DDX59: variants seen among roughly 807,000 people sequenced by gnomAD.
The protein encoded by DDX59 is probable ATP-dependent RNA helicase DDX59.
A neutral mutation model predicts 51.9 loss-of-function variants in DDX59; 30 were observed. That is an observed-to-expected ratio of 0.58 (90% CI 0.43 to 0.78). The LOEUF is 0.78. Among genes scored for constraint, DDX59 ranks in the 30% least tolerant of loss-of-function variants. The pLI, the probability that DDX59 is intolerant of heterozygous loss-of-function variation, is 0.00. For synonymous variants in DDX59, 255 were observed against 253.3 expected, an observed-to-expected ratio of 1.01 and a Z score of -0.06; for missense variants, 672 against 730.8, an observed-to-expected ratio of 0.92 and a Z score of 0.93.
chr1:200,664,607 T>C (rs935599294), intron 2 of DDX59, among the ~76,000 whole-genome samples: 1 of 152,196 alleles, frequency 6.6e-6, no homozygotes, highest in Non-Finnish European at 1.5e-5. Context: ...AGCACTTTTT[T>C]TTTCTCACAC....
At chr1:200,668,625 C>G (rs538745128) in intron 1 of DDX59, among the ~76,000 whole-genome samples, 3 of 152,264 alleles carry the variant, frequency 2.0e-5, no homozygotes, top group African/African-American at 7.2e-5. Context: ...TTAAAACTCC[C>G]CTGCAAAGTC....
At chr1:200,655,852 C>T (rs144500860) in intron 4 of DDX59, among the ~76,000 whole-genome samples, 8 of 149,464 alleles carry the variant, frequency 5.4e-5, no homozygotes, top group East Asian at 3.9e-4. Flanking sequence ...TTTTTTGAGA[C>T]GGAGTTTCAC....
downstream of DDX59, among the ~76,000 whole-genome samples, chr1:200,642,346 G>C (rs1661073919): frequency 6.6e-6 from 1 of 152,058 alleles, no homozygotes; most frequent in Non-Finnish European, 1.5e-5. Context: ...GGGGAAGGAT[G>C]GTCTCTTATT....
At chr1:200,648,671 T>C in intron 6 of DDX59, 104 bp from the exon 7 acceptor site, 1 of 1,347,258 alleles carries the variant, frequency 7.4e-7, no homozygotes, top group Non-Finnish European at 1.0e-6. Flanking sequence ...AATATTTTTA[T>C]TGCAATATTT....
rs150862547 is a variant in DDX59, at chr1:200,666,238, T to C, written c.503A>G (p.Tyr168Cys). ...GTTCAAAATAAAGGGGTGCTCTTTGTAGACATAGGAAGCATTCAGTGGAGA... is the reference window on the plus strand; with the variant it reads ...GTTCAAAATAAAGGGGTGCTCTTTGCAGACATAGGAAGCATTCAGTGGAGA... ...PESPLNASYV[Y>C]KEHPFILNLQ... Residue 168 changes from tyrosine to cysteine, a missense_variant, in exon 2 of 8, where the codon TAC (tyrosine) becomes TGC (cysteine). Transcript: ENST00000331314. The C allele has an allele frequency of 1.2e-6, 2 of 1,614,124 alleles. No homozygotes were observed. Among genetic ancestry groups the C allele is most frequent in the East Asian group, 2.2e-5 (1 of 44,906 alleles).
chr1:200,657,771 G>C (rs907879730), intron 4 of DDX59, among the ~76,000 whole-genome samples: 2 of 149,568 alleles, frequency 1.3e-5, no homozygotes, highest in African/African-American at 2.5e-5. Flanking sequence ...AAAAAAATTA[G>C]CTGGGCATGG....
At chr1:200,653,678 CCAAG>C (rs1558120821) in intron 4 of DDX59, among the ~76,000 whole-genome samples, 2 of 152,190 alleles carry the variant, frequency 1.3e-5, no homozygotes, top group Non-Finnish European at 2.9e-5. Flanking sequence ...GACTTCATCT[CCAAG>C]CACTCTCCCC....
intron 4 of DDX59, among the ~76,000 whole-genome samples, chr1:200,651,503 C>T (rs930826849): frequency 1.3e-5 from 2 of 152,136 alleles, no homozygotes; most frequent in Non-Finnish European, 2.9e-5. Flanking sequence ...AGGCCCTCAC[C>T]AGACACTGAA....
intron 3 of DDX59, among the ~76,000 whole-genome samples, chr1:200,661,513 T>G (rs957793919): frequency 6.6e-6 from 1 of 152,246 alleles, no homozygotes; most frequent in African/African-American, 2.4e-5. Context: ...TTCTGTGATA[T>G]TCCTGTCAAA....
At chr1:200,664,417 T>C (rs1571650992) in intron 2 of DDX59, among the ~76,000 whole-genome samples, 1 of 152,166 alleles carries the variant, frequency 6.6e-6, no homozygotes, top group African/African-American at 2.4e-5. Context: ...GAGAACCCAA[T>C]AGTCACCATG....
chr1:200,666,641 A>T lies in DDX59; in HGVS notation c.100T>A (p.Leu34Met). ...ACGGGAACATCTCTGCTTTTGTCCA[A>T]CTGAAGGTCTTCTGGGTCTGGTTTA... is the stretch of plus-strand genomic sequence containing the variant. ...IIKPDPEDLQ[L>M]DKSRDVPVDA... Residue 34 changes from leucine to methionine, a missense_variant, in exon 2 of 8, where the codon TTG becomes ATG. By Grantham distance (15) the Leu-to-Met change is conservative. Transcript: ENST00000331314. 6.2e-7 allele frequency: 1 copy of T among 1,614,200 alleles called. No individual in the cohort carries two copies. The highest frequency in any genetic ancestry group is 8.5e-7 in the Non-Finnish European group (1 of 1,180,036).
At chr1:200,646,643 G>A (rs1661311484) in intron 7 of DDX59, among the ~76,000 whole-genome samples, 1 of 152,186 alleles carries the variant, frequency 6.6e-6, no homozygotes, top group Non-Finnish European at 1.5e-5. Context: ...ACCTTAATAA[G>A]CCGCAGGCGA....
rs374742339 is a variant in DDX59, at chr1:200,648,519, C to A, written c.1516G>T (p.Gly506Ter). ...YEVVVSTGVL[G>*]RGLDLISVRL... Reference sequence around the variant, plus strand: ...ACACTGATCAAGTCTAGGCCTCGTCCCAAGACTCCTGTGCTCACTACAACT... The same window carrying A: ...ACACTGATCAAGTCTAGGCCTCGTCACAAGACTCCTGTGCTCACTACAACT... The change falls in exon 7 of 8, where the codon GGA (glycine) becomes TGA (stop). Residue 506 changes from glycine to a stop codon, truncating the protein, a stop_gained. Transcript: ENST00000331314. LOFTEE classifies it high-confidence loss of function. The A allele has an allele frequency of 6.2e-7, 1 of 1,614,092 alleles. No individual in the cohort carries two copies. Among genetic ancestry groups the A allele is most frequent in the African/African-American group, 1.3e-5 (1 of 75,028 alleles).
chr1:200,641,271 T>G (rs1205941130), downstream of DDX59: 1 of 1,280,054 alleles, frequency 7.8e-7, no homozygotes, highest in Non-Finnish European at 1.0e-6. Context: ...CAGAAGAAAA[T>G]AGTGTAGTTT....
rs1438540850 is a variant in DDX59 at position 200,666,062 on chromosome 1, T to C, written c.679A>G (p.Thr227Ala). The change falls in exon 2 of 8, where the codon ACT (threonine) becomes GCT (alanine). Residue 227 changes from threonine to alanine, a missense_variant. Coordinates refer to ENST00000331314, the MANE Select transcript of DDX59 (RefSeq NM_001031725.6). Reference protein sequence around the residue: ...NLKKSGYEVPTPIQMQMIPVG... With the variant: ...NLKKSGYEVPAPIQMQMIPVG... The stretch of plus-strand genomic sequence containing the variant: ...GGAATCATCTGCATTTGAATGGGAG[T>C]TGGCACCTCATAGCCTGATTTCTTC... The C allele has an allele frequency of 2.5e-6, 4 of 1,614,002 alleles. No individual in the cohort carries two copies. The highest frequency in any genetic ancestry group is 1.3e-5 in the African/African-American group (1 of 74,898).
At chr1:200,656,168 A>C (rs1662009720) in intron 4 of DDX59, among the ~76,000 whole-genome samples, 1 of 152,112 alleles carries the variant, frequency 6.6e-6, no homozygotes, top group South Asian at 2.1e-4. Context: ...TCTATCAGCC[A>C]TTGGCAAACT....
intron 7 of DDX59, among the ~76,000 whole-genome samples, chr1:200,647,629 T>A (rs1480622751): frequency 2.6e-5 from 4 of 151,918 alleles, no homozygotes; most frequent in African/African-American, 9.7e-5. Flanking sequence ...AATTTAGTTT[T>A]TATACATACT....
intron 1 of DDX59, among the ~76,000 whole-genome samples, chr1:200,667,745 A>G (rs956317327): frequency 1.3e-5 from 2 of 152,204 alleles, no homozygotes; most frequent in Admixed American, 1.3e-4. Context: ...AGTGTTTATT[A>G]TATGCCAAGC....
At chr1:200,653,460 C>T (rs996131499) in intron 4 of DDX59, among the ~76,000 whole-genome samples, 4 of 152,178 alleles carry the variant, frequency 2.6e-5, no homozygotes, top group African/African-American at 4.8e-5. Flanking sequence ...CTTCTCCCAA[C>T]TCATATTTGC....
Sources: gnomAD v4.1 joint callset for allele counts (sites outside exome capture counted in the v4.1 genomes callset) on GRCh38, gnomAD v4.1.1 for gene constraint, MANE v1.5 for transcripts, NCBI Gene and HGNC (gene_info 2026-07-23, HGNC 2026-07-21) for gene names.